The following RGS22 variants were observed in gnomAD, a reference collection of about 807,000 sequenced individuals.
RGS22 encodes the protein regulator of G-protein signaling 22.
A neutral mutation model predicts 172.9 loss-of-function variants in RGS22; 148 were observed. The ratio of observed to expected loss-of-function variants is 0.86; its 90% CI spans 0.75 to 0.98. RGS22 has a LOEUF of 0.98. Among genes scored for constraint, RGS22 ranks in the 50% least tolerant of loss-of-function variants. The pLI, the probability that RGS22 is intolerant of heterozygous loss-of-function variation, is 0.00. For synonymous variants in RGS22, 458 were observed against 480.2 expected, an observed-to-expected ratio of 0.95 and a Z score of 0.60; for missense variants, 1,347 against 1,440.8, an observed-to-expected ratio of 0.93 and a Z score of 1.05.
rs1810383624 is a variant in RGS22 at position 99,963,079 on chromosome 8, T to C, written c.3616-101A>G. 3 of 954,486 alleles carry C rather than the reference T, an allele frequency of 3.1e-6. No individual in the cohort carries two copies. The East Asian group carries it at 8.5e-5, about 27-fold the overall frequency. The allele number at this position is 954,486 out of a possible 1,614,324, so 59.1% of individuals were successfully genotyped here. A position where few individuals can be genotyped will look rare whatever the true frequency, so the allele number is the denominator to read the frequency against. The stretch of plus-strand genomic sequence containing the variant: ...TCAGCCTCTTCATTTAAATTTTTAT[T>C]AAAGTATAACACACATAAAGAAAAG... On this transcript the variant is annotated intron_variant, in intron 24 of 27. Transcript: ENST00000360863.
chr8:99,967,609 C>G (rs1442952196), intron 23 of RGS22, among the ~76,000 whole-genome samples: 1 of 152,166 alleles, frequency 6.6e-6, no homozygotes, highest in Non-Finnish European at 1.5e-5. Context: ...GTTAAGTAAA[C>G]CGCTGGGAAG....
intron 25 of RGS22, 43 bp downstream of exon 25, chr8:99,962,842 A>G: frequency 6.3e-7 from 1 of 1,577,910 alleles, no homozygotes; most frequent in Non-Finnish European, 8.6e-7. Context: ...AATCTGTGAT[A>G]AAAGATAAAA....
rs1815970448 is a variant in RGS22 at position 100,008,367 on chromosome 8, C to T, written c.2361+8G>A. The T allele has an allele frequency of 6.2e-7, 1 of 1,604,884 alleles. No individual in the cohort carries two copies. The highest frequency in any genetic ancestry group is 1.7e-5 in the Admixed American group (1 of 57,306). Reference sequence around the variant, plus strand: ...GGTTTCACACTCAATTTATCGGTGGCACGGTACCTTTTTATAAGCAATTTG... The same window carrying T: ...GGTTTCACACTCAATTTATCGGTGGTACGGTACCTTTTTATAAGCAATTTG... On this transcript the variant is annotated splice_region_variant and intron_variant, in intron 15 of 27. Transcript: ENST00000360863.
At chr8:100,048,028 A>G (rs1820913809) in intron 10 of RGS22, among the ~76,000 whole-genome samples, 2 of 152,066 alleles carry the variant, frequency 1.3e-5, no homozygotes, top group Admixed American at 1.3e-4. Flanking sequence ...CTTGGTCCAC[A>G]TAAGAAGGGC....
At chr8:100,005,865 T>A (rs541106261) in intron 16 of RGS22, 152 bp downstream of exon 16, 1 of 545,098 alleles carries the variant, frequency 1.8e-6, no homozygotes, top group East Asian at 3.1e-5. Context: ...ATGTAACACC[T>A]GTCAAATGCA....
Position 100,095,831 on chromosome 8 carries a change from TTA to T in RGS22, c.55-2324_55-2323del, listed in dbSNP as rs528057832. On this transcript the variant is annotated intron_variant, in intron 2 of 27. Coordinates refer to ENST00000360863, the MANE Select transcript of RGS22 (RefSeq NM_015668.5). Reference sequence around the variant, plus strand: ...GTATTATCAAATACATCAAAATCAATTATATCTTTTATAAAATTGTGCCTTAA... The same window carrying T: ...GTATTATCAAATACATCAAAATCAATTATCTTTTATAAAATTGTGCCTTAA... 1.5e-4 allele frequency among the ~76,000 whole-genome samples: 23 copies of T among 152,318 alleles called. No individual in the cohort carries two copies. The South Asian group carries it at 4.6e-3, about 30-fold the overall frequency.
intron 4 of RGS22, among the ~76,000 whole-genome samples, chr8:100,073,874 G>A (rs1401421243): frequency 6.6e-6 from 1 of 151,952 alleles, no homozygotes; most frequent in African/African-American, 2.4e-5. Flanking sequence ...AGTTTAAAAA[G>A]AATAAAATAA....
At chr8:100,039,848 C>A in intron 13 of RGS22, 114 bp downstream of exon 13, 1 of 559,716 alleles carries the variant, frequency 1.8e-6, no homozygotes, top group South Asian at 5.0e-5. Flanking sequence ...ATTTTCTTAT[C>A]ACAGATGGGA....
chr8:100,080,028 G>T, intron 4 of RGS22, 106 bp downstream of exon 4: 1 of 779,016 alleles, frequency 1.3e-6, no homozygotes, highest in Non-Finnish European at 2.1e-6. Context: ...TACAACACAA[G>T]CTAATAAATG....
At chr8:100,103,878 A>T (rs1450866860) in intron 2 of RGS22, among the ~76,000 whole-genome samples, 1 of 152,206 alleles carries the variant, frequency 6.6e-6, no homozygotes, top group East Asian at 1.9e-4. Context: ...AAAATAGTGA[A>T]CTGTTCAAAC....
At chr8:100,043,494 T>C (rs1820365483) in intron 11 of RGS22, among the ~76,000 whole-genome samples, 1 of 151,956 alleles carries the variant, frequency 6.6e-6, no homozygotes. Context: ...AAACCTTTAG[T>C]GGCTGGGCAC....
intron 9 of RGS22, among the ~76,000 whole-genome samples, chr8:100,054,683 A>G (rs1375591473): frequency 2.0e-5 from 3 of 152,214 alleles, no homozygotes; most frequent in African/African-American, 7.2e-5. Context: ...AAGAGAATCC[A>G]AAGTCCATAA....
chr8:100,071,373 C>A lies in RGS22; in HGVS notation c.590G>T (p.Gly197Val), dbSNP rs370213562. 6.4e-5 allele frequency: 102 copies of A among 1,604,618 alleles called. No homozygotes were observed. In the African/African-American group the frequency reaches 1.2e-3, roughly 20 times the overall value. Residue 197 changes from glycine to valine, a missense_variant, in exon 6 of 28, where the codon GGT becomes GTT. Gly to Val is a moderately radical substitution (Grantham distance 109). Coordinates refer to ENST00000360863, the MANE Select transcript of RGS22 (RefSeq NM_015668.5). ...AAAAAATGCTCATACTTTTACCTCA[C>A]CAAGTGATACATAGAACTTTTTCAT... ...VIMKKFYVSL[G>V]EASYTQTKDW...
In RGS22 at chr8:100,018,009, C is replaced by A. The variant is rs1477601977; in HGVS notation, c.2167-9440G>T. On this transcript the variant is annotated intron_variant, in intron 14 of 27. Transcript: ENST00000360863. The stretch of plus-strand genomic sequence containing the variant: ...TAAACATTAACCTATGATGCTTTAA[C>A]AACCCAGCAGGAAAGTTTTTGAGAA... Among the ~76,000 whole-genome samples the A allele has an allele frequency of 4.6e-5, 7 of 152,258 alleles. No individual in the cohort carries two copies. The South Asian group carries it at 1.5e-3, about 32-fold the overall frequency.
intron 6 of RGS22, among the ~76,000 whole-genome samples, chr8:100,066,583 G>A (rs540204854): frequency 1.3e-5 from 2 of 152,084 alleles, no homozygotes; most frequent in East Asian, 3.9e-4. Flanking sequence ...TTGACCAAAG[G>A]CATGAAACCC....
chr8:100,070,039 A>AAC (rs1449734545), intron 6 of RGS22, among the ~76,000 whole-genome samples: 1 of 150,044 alleles, frequency 6.7e-6, no homozygotes, highest in Non-Finnish European at 1.5e-5. Flanking sequence ...AAAAAAAAAA[A>AAC]AAAAAAAAAC....
In RGS22 at chr8:99,998,743, T is replaced by C. The variant is rs532410620; in HGVS notation, c.2949+519A>G. ...ATAGCTCACTGTAACCTCGATCTCC[T>C]AGACTCGAGCAATCCTCCTCCTTCA... On this transcript the variant is annotated intron_variant, in intron 19 of 27. Coordinates refer to ENST00000360863, the MANE Select transcript of RGS22 (RefSeq NM_015668.5). Among the ~76,000 whole-genome samples, 7 of 152,242 alleles carry C rather than the reference T, an allele frequency of 4.6e-5. No individual in the cohort carries two copies. In the South Asian group the frequency reaches 1.0e-3, roughly 23 times the overall value.
chr8:99,988,986 T>G (rs141814561), intron 20 of RGS22, among the ~76,000 whole-genome samples: 1 of 152,230 alleles, frequency 6.6e-6, no homozygotes, highest in East Asian at 1.9e-4. Context: ...CTTAAGATAC[T>G]AAAACTTAGA....
intron 14 of RGS22, among the ~76,000 whole-genome samples, chr8:100,031,063 G>A (rs903921599): frequency 5.3e-5 from 8 of 152,088 alleles, no homozygotes; most frequent in African/African-American, 1.4e-4. Flanking sequence ...ACAGATTTCC[G>A]TATACATGTC....
Sources: gnomAD v4.1 joint callset for allele counts (sites outside exome capture counted in the v4.1 genomes callset) on GRCh38, gnomAD v4.1.1 for gene constraint, MANE v1.5 for transcripts, NCBI Gene and HGNC (gene_info 2026-07-23, HGNC 2026-07-21) for gene names.